Variants in LOC122539214 observed in about 807,000 individuals in gnomAD.
At chr19:52,674,854 G>A in the LOC122539214 span, among the ~76,000 whole-genome samples, 46 of 152,152 alleles carry the variant, frequency 3.0e-4, no homozygotes, top group Non-Finnish European at 5.4e-4. Context: ...TTAACACAAC[G>A]CCCATACAAA....
At chr19:52,686,483 A>T in the LOC122539214 span, among the ~76,000 whole-genome samples, 1 of 123,280 alleles carries the variant, frequency 8.1e-6, no homozygotes, top group South Asian at 2.6e-4. Flanking sequence ...TATATATATA[A>T]ATAAATGAGA....
the LOC122539214 span, among the ~76,000 whole-genome samples, chr19:52,679,757 A>G: frequency 1.3e-5 from 2 of 152,230 alleles, no homozygotes; most frequent in Non-Finnish European, 2.9e-5. Flanking sequence ...ATGTTCAATC[A>G]TAACAGTCAA....
the LOC122539214 span, among the ~76,000 whole-genome samples, chr19:52,676,420 G>C: frequency 1.3e-5 from 2 of 152,104 alleles, no homozygotes; most frequent in African/African-American, 4.8e-5. Flanking sequence ...GGGAAGTGAG[G>C]AGCGTCTCTG....
At chr19:52,656,351 A>C in the LOC122539214 span, among the ~76,000 whole-genome samples, 2 of 151,990 alleles carry the variant, frequency 1.3e-5, no homozygotes. Flanking sequence ...GTGAAACCCC[A>C]TATCTACTAA....
At chr19:52,671,597 C>G in the LOC122539214 span, among the ~76,000 whole-genome samples, 1 of 152,240 alleles carries the variant, frequency 6.6e-6, no homozygotes, top group East Asian at 1.9e-4. Context: ...CCCTCACCAC[C>G]AAGCCTGGCT....
At chr19:52,670,070 G>A in the LOC122539214 span, among the ~76,000 whole-genome samples, 2 of 151,904 alleles carry the variant, frequency 1.3e-5, no homozygotes, top group African/African-American at 4.8e-5. Flanking sequence ...TCCTCATAAA[G>A]CAACCTTTTT....
chr19:52,651,685 A>C, the LOC122539214 span: 1 of 8,714 alleles, frequency 1.1e-4, no homozygotes. Context: ...CTCTGTCTCA[A>C]AAAAAAAAAA....
At chr19:52,668,934 C>G in the LOC122539214 span, among the ~76,000 whole-genome samples, 1 of 152,186 alleles carries the variant, frequency 6.6e-6, no homozygotes, top group Non-Finnish European at 1.5e-5. Flanking sequence ...GGTCAGCCCT[C>G]CAGGGCCATC....
the LOC122539214 span, among the ~76,000 whole-genome samples, chr19:52,681,053 G>C: frequency 1.3e-5 from 2 of 151,842 alleles, no homozygotes; most frequent in African/African-American, 4.8e-5. Context: ...GGGAGGCCAA[G>C]CCGGGCAGAT....
the LOC122539214 span, among the ~76,000 whole-genome samples, chr19:52,671,637 C>G: frequency 6.6e-6 from 1 of 152,016 alleles, no homozygotes; most frequent in East Asian, 1.9e-4. Flanking sequence ...GAGGGGTGGT[C>G]CCACTATGAT....
chr19:52,672,051 T>C, the LOC122539214 span, among the ~76,000 whole-genome samples: 1 of 152,052 alleles, frequency 6.6e-6, no homozygotes, highest in Non-Finnish European at 1.5e-5. Flanking sequence ...CTGGCTAACA[T>C]GGTGAAACCC....
At chr19:52,670,110 AATCACCTGCTCCACCTTGACTCATTCTG>A in the LOC122539214 span, among the ~76,000 whole-genome samples, 47 of 151,724 alleles carry the variant, frequency 3.1e-4, no homozygotes, top group African/African-American at 1.1e-3. Flanking sequence ...GACTCATTCC[AATCACCTGCTCCACCTTGACTCATTCTG>A]ATCACCTGCT....
chr19:52,676,164 G>A, the LOC122539214 span, among the ~76,000 whole-genome samples: 1 of 152,168 alleles, frequency 6.6e-6, no homozygotes, highest in African/African-American at 2.4e-5. Context: ...TATTTTTTTG[G>A]TGGAGACGGG....
At chr19:52,686,761 C>T in the LOC122539214 span, among the ~76,000 whole-genome samples, 15 of 152,110 alleles carry the variant, frequency 9.9e-5, no homozygotes, top group South Asian at 1.2e-3. Flanking sequence ...TTCATAGAGA[C>T]GGCGTTTCAC....
the LOC122539214 span, among the ~76,000 whole-genome samples, chr19:52,676,235 G>C: frequency 2.0e-5 from 3 of 152,124 alleles, no homozygotes; most frequent in Non-Finnish European, 2.9e-5. Flanking sequence ...TGCCAGCCTC[G>C]GCCTCCCGAG....
At chr19:52,653,216 A>G in the LOC122539214 span, 2 of 1,533,448 alleles carry the variant, frequency 1.3e-6, no homozygotes, top group African/African-American at 1.4e-5. Flanking sequence ...GTCTTGCCAC[A>G]CTCATTACAC....
At chr19:52,672,327 A>G in the LOC122539214 span, among the ~76,000 whole-genome samples, 1 of 152,270 alleles carries the variant, frequency 6.6e-6, no homozygotes. Context: ...AACATGTACT[A>G]TGAACTATGT....
the LOC122539214 span, among the ~76,000 whole-genome samples, chr19:52,682,731 G>A: frequency 2.8e-3 from 423 of 152,078 alleles, 4 homozygotes; most frequent in East Asian, 7.0e-3. Flanking sequence ...GTAGCTATGT[G>A]TGGTGACACA....
At chr19:52,688,787 C>A in the LOC122539214 span, among the ~76,000 whole-genome samples, 1 of 151,882 alleles carries the variant, frequency 6.6e-6, no homozygotes, top group Admixed American at 6.6e-5. Flanking sequence ...AAAGCTAAGG[C>A]CCACAATGTG....
Sources: allele counts gnomAD v4.1 joint callset (sites outside exome capture counted in the v4.1 genomes callset), GRCh38; gene constraint gnomAD v4.1.1; transcripts MANE v1.5.